The following KRT23 variants were observed in gnomAD, a reference collection of about 807,000 sequenced individuals.
KRT23 encodes keratin, type I cytoskeletal 23.
KRT23 carries 38 observed loss-of-function variants against 47.6 expected under a neutral mutation model. The observed-to-expected ratio is 0.80, with a 90% confidence interval of 0.62 to 1.05. KRT23 has a LOEUF of 1.05. KRT23 is among the 50% of genes least tolerant of loss of function. The pLI is 0.00. For missense variants in KRT23, 503 were observed against 529.5 expected (o/e 0.95, Z 0.49); for synonymous variants, 191 against 199.0 (o/e 0.96, Z 0.34).
At chr17:40,930,444 A>G (rs1052765364) in intron 3 of KRT23, among the ~76,000 whole-genome samples, 2 of 152,228 alleles carry the variant, frequency 1.3e-5, no homozygotes, top group Non-Finnish European at 2.9e-5. Flanking sequence ...TAAATACTTC[A>G]GGATGCATCT....
chr17:40,935,867 A>G (rs1226681091), intron 2 of KRT23, among the ~76,000 whole-genome samples: 1 of 152,204 alleles, frequency 6.6e-6, no homozygotes, highest in African/African-American at 2.4e-5. Flanking sequence ...TTGGGTCATA[A>G]GTGACATTAA....
In KRT23 at chr17:40,923,104, G is replaced by C; in HGVS notation, c.1175-21C>G. 5 of 1,536,756 alleles carry C rather than the reference G, an allele frequency of 3.3e-6. No individual in the cohort carries two copies. In the South Asian group the frequency reaches 5.6e-5, roughly 17 times the overall value. ...AGACACTGAGAAAAAGAGCATGGAA[G>C]ATGTCACTGCCATGCTTCTTCCACC... On this transcript the variant is annotated intron_variant, in intron 8 of 8. Coordinates refer to ENST00000209718, the MANE Select transcript of KRT23 (RefSeq NM_015515.5).
chr17:40,931,503 C>T (rs1353977398), intron 2 of KRT23, 48 bp from the exon 3 acceptor site: 2 of 1,352,930 alleles, frequency 1.5e-6, no homozygotes, highest in African/African-American at 1.4e-5. Flanking sequence ...CTTGGACACA[C>T]CCACACATGA....
rs75000100 is a variant in KRT23 at position 40,924,024 on chromosome 17, C to G, written c.1174+448G>C. Among the ~76,000 whole-genome samples, 313 of 152,332 alleles carry G rather than the reference C, an allele frequency of 2.1e-3. 1 individual carries two copies. Among genetic ancestry groups the G allele is most frequent in the African/African-American group, 7.1e-3 (297 of 41,570 alleles). On this transcript the variant is annotated intron_variant, in intron 8 of 8. Transcript: ENST00000209718. The stretch of plus-strand genomic sequence containing the variant: ...CAGTACCTGTTCCATCTTTAATACA[C>G]TGAACTGCAACAGGACTGTCCAAGA...
At chr17:40,926,433 T>A (rs980532083) in intron 6 of KRT23, among the ~76,000 whole-genome samples, 1 of 152,208 alleles carries the variant, frequency 6.6e-6, no homozygotes, top group African/African-American at 2.4e-5. Flanking sequence ...GTCCTTGCCA[T>A]CCTTCCTCGG....
intron 5 of KRT23, 30 bp downstream of exon 5, chr17:40,928,416 C>G: frequency 6.2e-7 from 1 of 1,613,998 alleles, no homozygotes; most frequent in Non-Finnish European, 8.5e-7. Flanking sequence ...GAAATGCAAC[C>G]TTTGGGAAGT....
intron 8 of KRT23, among the ~76,000 whole-genome samples, chr17:40,923,707 G>A (rs1290283110): frequency 6.6e-6 from 1 of 152,192 alleles, no homozygotes; most frequent in Non-Finnish European, 1.5e-5. Context: ...TGTGAAGAGA[G>A]TCTCAAAGAC....
At chr17:40,935,703 A>G (rs1231613285) in intron 2 of KRT23, among the ~76,000 whole-genome samples, 1 of 152,224 alleles carries the variant, frequency 6.6e-6, no homozygotes, top group Non-Finnish European at 1.5e-5. Context: ...AATCTTCAAA[A>G]TAGTGTAACA....
At chr17:40,925,284 A>G in intron 7 of KRT23, 70 bp downstream of exon 7, 1 of 1,328,584 alleles carries the variant, frequency 7.5e-7, no homozygotes, top group Non-Finnish European at 1.1e-6. Context: ...CAGAACCCAA[A>G]GATGCACACA....
rs55892568 is a variant in KRT23 at position 40,932,839 on chromosome 17, G to A, written c.397-1384C>T. 4.6e-3 allele frequency among the ~76,000 whole-genome samples: 694 copies of A among 152,308 alleles called. 3 individuals are homozygous for A. Among genetic ancestry groups the A allele is most frequent in the African/African-American group, 0.015 (639 of 41,558 alleles). On this transcript the variant is annotated intron_variant, in intron 2 of 8. Coordinates refer to ENST00000209718, the MANE Select transcript of KRT23 (RefSeq NM_015515.5). ...ATGCACAATAGCAGGATTTAGAGAT[G>A]GCATGAATGCTGGGTCTGGAACTCA... is the stretch of plus-strand genomic sequence containing the variant.
At chr17:40,932,905 G>GGTGAGATTGGCTGA (rs1310456425) in intron 2 of KRT23, among the ~76,000 whole-genome samples, 1 of 152,152 alleles carries the variant, frequency 6.6e-6, no homozygotes, top group African/African-American at 2.4e-5. Flanking sequence ...TTACTGGCTG[G>GGTGAGATTGGCTGA]GTGAGATTGG....
In KRT23 at chr17:40,928,505, C is replaced by A; in HGVS notation, c.739G>T (p.Glu247Ter). The change falls in exon 5 of 9, where the codon GAA (glutamate) becomes TAA (stop). Residue 247 changes from glutamate (E) to a stop codon, truncating the protein, a stop_gained. Coordinates refer to ENST00000209718, the MANE Select transcript of KRT23 (RefSeq NM_015515.5). LOFTEE classifies it high-confidence loss of function. ...TTCTTCTTTATTATAAGCTCATATTCTTGTCTCATATCCTCCAGGACCTTA... is the reference window on the plus strand; with the variant it reads ...TTCTTCTTTATTATAAGCTCATATTATTGTCTCATATCCTCCAGGACCTTA... Reference protein sequence around the residue: ...LIKVLEDMRQEYELIIKKKHR... With the variant: ...LIKVLEDMRQ 1 of 1,614,106 alleles carries A rather than the reference C, an allele frequency of 6.2e-7. No individual in the cohort carries two copies. The highest frequency in any genetic ancestry group is 2.2e-5 in the East Asian group (1 of 44,884).
intron 6 of KRT23, among the ~76,000 whole-genome samples, chr17:40,926,435 C>T (rs1435800747): frequency 6.6e-6 from 1 of 152,188 alleles, no homozygotes; most frequent in Non-Finnish European, 1.5e-5. Context: ...CCTTGCCATC[C>T]TTCCTCGGAG....
At chr17:40,931,988 A>T (rs1296984816) in intron 2 of KRT23, among the ~76,000 whole-genome samples, 1 of 152,210 alleles carries the variant, frequency 6.6e-6, no homozygotes, top group African/African-American at 2.4e-5. Context: ...CATAATTCTT[A>T]CTTGTGATAG....
intron 2 of KRT23, among the ~76,000 whole-genome samples, chr17:40,932,032 G>A (rs943802890): frequency 2.0e-5 from 3 of 152,100 alleles, no homozygotes; most frequent in Admixed American, 6.5e-5. Flanking sequence ...ACTGAGCAAC[G>A]CTAACACTAA....
In KRT23 at chr17:40,936,574, G is replaced by C. The variant is rs1280125272; in HGVS notation, c.30C>G (p.Thr10=). Residue 10 remains threonine (T), a synonymous_variant, in exon 2 of 9, where the codon ACC becomes ACG. Coordinates refer to ENST00000209718, the MANE Select transcript of KRT23 (RefSeq NM_015515.5). MNSGHSFSQ[T]PSASFHGAGG... The stretch of plus-strand genomic sequence containing the variant: ...CGGCGCCATGGAAGGAGGCCGAGGG[G>C]GTCTGGCTGAAGCTGTGTCCGGAGT... The C allele has an allele frequency of 2.0e-6, 3 of 1,518,856 alleles. No homozygotes were observed. The highest frequency in any genetic ancestry group is 2.8e-5 in the African/African-American group (2 of 71,660). 94.1% of individuals were successfully genotyped at this position (1,518,856 alleles called of 1,614,324 possible).
chr17:40,928,639 G>T, intron 4 of KRT23, 32 bp from the exon 5 acceptor site: 2 of 1,594,668 alleles, frequency 1.3e-6, no homozygotes, highest in Non-Finnish European at 1.7e-6. Flanking sequence ...AAATGAACCG[G>T]CTTTGACAAT....
chr17:40,936,738 C>A lies in KRT23; in HGVS notation c.-135G>T, dbSNP rs1910110171. On this transcript the variant is annotated 5_prime_UTR_variant, in exon 2 of 9. Coordinates refer to ENST00000209718, the MANE Select transcript of KRT23 (RefSeq NM_015515.5). Reference sequence around the variant, plus strand: ...TTCCCTTCTCTGACAATTGTACCAACAAGATTGTATCATTGTGCAACTTGT... The same window carrying A: ...TTCCCTTCTCTGACAATTGTACCAAAAAGATTGTATCATTGTGCAACTTGT... The A allele has an allele frequency of 2.5e-6, 2 of 794,594 alleles. No homozygotes were observed. The highest frequency in any genetic ancestry group is 4.0e-4 in the Middle Eastern group (1 of 2,508). The allele number at this position is 794,594 out of a possible 1,614,324, so 49.2% of individuals were successfully genotyped here. A position where few individuals can be genotyped will look rare whatever the true frequency, so the allele number is the denominator to read the frequency against.
chr17:40,934,226 C>G (rs747357730), intron 2 of KRT23, among the ~76,000 whole-genome samples: 3 of 152,162 alleles, frequency 2.0e-5, no homozygotes, highest in Non-Finnish European at 4.4e-5. Context: ...CCTCTGTTTT[C>G]TCATCTTCAA....
Sources: gnomAD v4.1 joint callset for allele counts (sites outside exome capture counted in the v4.1 genomes callset) on GRCh38, gnomAD v4.1.1 for gene constraint, MANE v1.5 for transcripts, NCBI Gene and HGNC (gene_info 2026-07-23, HGNC 2026-07-21) for gene names.